BCCIP: variants seen among roughly 807,000 people sequenced by gnomAD.
The protein encoded by BCCIP is BRCA2 and CDKN1A interacting protein, also known as BRCA2 and CDKN1A-interacting protein.
BCCIP carries 23 observed loss-of-function variants against 32.8 expected under a neutral mutation model. That is an observed-to-expected ratio of 0.70 (90% CI 0.51 to 0.99). The LOEUF (loss-of-function observed/expected upper bound fraction) is 0.99. Ranked by LOEUF, BCCIP falls within the 50% of genes least tolerant of loss-of-function variation. The pLI, the probability that BCCIP is intolerant of heterozygous loss-of-function variation, is 0.00. For missense variants in BCCIP, 378 were observed against 379.8 expected (o/e 1.00, Z 0.04); for synonymous variants, 144 against 137.6 (o/e 1.05, Z -0.33).
At chr10:125,841,497 GTTTT>G (rs1255681461), downstream of BCCIP, 5 of 1,445,028 alleles carry the variant, frequency 3.5e-6, no homozygotes, top group Non-Finnish European at 4.5e-6. Context: ...AATCTAGTAT[GTTTT>G]CATACATCTG....
At chr10:125,849,663 C>A (rs184987573) in intron 7 of BCCIP, among the ~76,000 whole-genome samples, 117 of 152,324 alleles carry the variant, frequency 7.7e-4, no homozygotes, top group African/African-American at 2.4e-3. Context: ...TGCGGCAGAG[C>A]TATGGGGAGG....
intron 7 of BCCIP, chr10:125,852,671 G>T (rs374705004): frequency 6.4e-7 from 1 of 1,568,652 alleles, no homozygotes. Flanking sequence ...CATCATTAGC[G>T]TCAGATAAGT....
intron 7 of BCCIP, among the ~76,000 whole-genome samples, chr10:125,851,949 AAAAAG>A (rs1337075630): frequency 9.9e-5 from 15 of 151,696 alleles, no homozygotes; most frequent in Non-Finnish European, 1.8e-4. Flanking sequence ...AAAGAAAAGA[AAAAAG>A]GACAATTCAA....
At chr10:125,827,370 C>T (rs924621794) in intron 2 of BCCIP, among the ~76,000 whole-genome samples, 188 bp from the exon 3 acceptor site, 1 of 151,878 alleles carries the variant, frequency 6.6e-6, no homozygotes, top group Non-Finnish European at 1.5e-5. Context: ...CTGACTTCTT[C>T]TTTTCTGAAA....
At chr10:125,838,426 A>C (rs1185979741), downstream of BCCIP, 1 of 1,503,862 alleles carries the variant, frequency 6.6e-7, no homozygotes, top group South Asian at 1.4e-5. Flanking sequence ...ATTTTGTATT[A>C]ATATGGAGAT....
At chr10:125,843,767 C>T (rs1222366438), downstream of BCCIP, among the ~76,000 whole-genome samples, 1 of 152,212 alleles carries the variant, frequency 6.6e-6, no homozygotes, top group East Asian at 1.9e-4. Flanking sequence ...TGCTGGAGGA[C>T]AGCGGAGCCA....
At chr10:125,831,358 TC>T in intron 4 of BCCIP, 61 bp from the exon 5 acceptor site, 1 of 1,509,272 alleles carries the variant, frequency 6.6e-7, no homozygotes. Context: ...GCTTTTACTC[TC>T]AGGTTTTGTC....
chr10:125,823,590 A>G lies in BCCIP; in HGVS notation c.33A>G (p.Glu11=). 6.2e-7 allele frequency: 1 copy of G among 1,614,040 alleles called. No homozygotes were observed. Among genetic ancestry groups the G allele is most frequent in the Non-Finnish European group, 8.5e-7 (1 of 1,179,948 alleles). Residue 11 remains glutamate (E), a synonymous_variant, in exon 1 of 7, where the codon GAA becomes GAG. Transcript: ENST00000278100. ...CCAGGTCTAAGCGGCGTGCCGTGGA[A>G]AGTGGGGTTCCGCAGCCGCCGGATC... The part of the protein sequence containing the change: MASRSKRRAV[E]SGVPQPPDPP...
chr10:125,833,657 C>A (rs1310714692), intron 5 of BCCIP, 115 bp from the exon 6 acceptor site: 2 of 909,674 alleles, frequency 2.2e-6, no homozygotes, highest in East Asian at 4.9e-5. Flanking sequence ...AGATTGAATG[C>A]CTGCGTCACA....
chr10:125,847,115 A>T (rs1430068779), downstream of BCCIP, among the ~76,000 whole-genome samples: 4 of 152,176 alleles, frequency 2.6e-5, no homozygotes, highest in Non-Finnish European at 5.9e-5. Flanking sequence ...ACACATTTGC[A>T]TAATGCCAGC....
In BCCIP at chr10:125,826,732, G is replaced by A. The variant is rs1404206900; in HGVS notation, c.240+67G>A. On this transcript the variant is annotated intron_variant, in intron 2 of 6. Transcript: ENST00000278100. Reference sequence around the variant, plus strand: ...GAAAAATCAGGGGCCGGGTGCAGTGGTTCATGCCTATAATCTCAGCATTTT... The same window carrying A: ...GAAAAATCAGGGGCCGGGTGCAGTGATTCATGCCTATAATCTCAGCATTTT... The A allele has an allele frequency of 3.8e-6, 6 of 1,584,878 alleles. No homozygotes were observed. The Admixed American group carries it at 8.8e-5, about 23-fold the overall frequency.
Position 125,852,073 on chromosome 10 carries a change from C to A in BCCIP, c.851-1052C>A, listed in dbSNP as rs140257628. On this transcript the variant is annotated intron_variant, in intron 7 of 7. Coordinates refer to the BCCIP transcript ENST00000368759. ...GTGCTGCAGTGTCCAACAGCAGACACATTTCTCGTGTCAGAACAGTTATTT... is the reference window on the plus strand; with the variant it reads ...GTGCTGCAGTGTCCAACAGCAGACAAATTTCTCGTGTCAGAACAGTTATTT... Among the ~76,000 whole-genome samples, 3 of 152,320 alleles carry A rather than the reference C, an allele frequency of 2.0e-5. No individual in the cohort carries two copies. The East Asian group carries it at 5.8e-4, about 29-fold the overall frequency.
downstream of BCCIP, chr10:125,839,162 A>T (rs769322239): frequency 4.3e-6 from 7 of 1,614,238 alleles, no homozygotes; most frequent in Non-Finnish European, 5.9e-6. Context: ...TTGAGGAAGT[A>T]ATCACGACAC....
At chr10:125,825,468 C>A (rs547870101) in intron 1 of BCCIP, 1 of 152,186 alleles carries the variant, frequency 6.6e-6, no homozygotes, top group Non-Finnish European at 1.5e-5. Flanking sequence ...CACTCCCACC[C>A]GACCCCTTGT....
At chr10:125,829,341 G>A (rs1854473366) in intron 3 of BCCIP, among the ~76,000 whole-genome samples, 1 of 152,200 alleles carries the variant, frequency 6.6e-6, no homozygotes, top group Non-Finnish European at 1.5e-5. Flanking sequence ...CACTGTTGAT[G>A]TCTTTTTCCT....
At chr10:125,851,920 C>CA (rs56380138) in intron 7 of BCCIP, among the ~76,000 whole-genome samples, 4,208 of 86,592 alleles carry the variant, frequency 0.049, 110 homozygotes, top group African/African-American at 0.093. Flanking sequence ...GACCCTGTCT[C>CA]AAAAAAAAAA....
Position 125,823,546 on chromosome 10 carries a change from GT to G in BCCIP, c.-11del. Reference sequence around the variant, plus strand: ...CAAGGGGAAGCTGCGCAGGCGCAGTGTGAGCGGCAACATGGCGTCCAGGTCT... The same window carrying G: ...CAAGGGGAAGCTGCGCAGGCGCAGTGGAGCGGCAACATGGCGTCCAGGTCT... On this transcript the variant is annotated 5_prime_UTR_variant, in exon 1 of 7. Coordinates refer to ENST00000278100, the MANE Select transcript of BCCIP (RefSeq NM_078468.3). The G allele has an allele frequency of 6.2e-7, 1 of 1,613,074 alleles. No individual in the cohort carries two copies. The highest frequency in any genetic ancestry group is 1.1e-5 in the South Asian group (1 of 91,014).
rs1854517864 is a variant in BCCIP, at chr10:125,831,408, T to C, written c.412-12T>C. The C allele has an allele frequency of 1.9e-6, 3 of 1,608,366 alleles. No homozygotes were observed. The highest frequency in any genetic ancestry group is 2.5e-6 in the Non-Finnish European group (3 of 1,176,512). ...CTTGTAATAGGAAACAAGCTTTCTC[T>C]TTGCTTTCTAGGGTACCCAGTGTGT... is the stretch of plus-strand genomic sequence containing the variant. On this transcript the variant is annotated splice_polypyrimidine_tract_variant and intron_variant, in intron 4 of 6. Coordinates refer to ENST00000278100, the MANE Select transcript of BCCIP (RefSeq NM_078468.3).
downstream of BCCIP, chr10:125,840,896 G>A (rs758379658): frequency 6.2e-7 from 1 of 1,610,298 alleles, no homozygotes; most frequent in Admixed American, 1.7e-5. Flanking sequence ...TGTAAATGCT[G>A]ATGAGGGTAA....
Sources: allele counts gnomAD v4.1 joint callset (sites outside exome capture counted in the v4.1 genomes callset), GRCh38; gene constraint gnomAD v4.1.1; transcripts MANE v1.5; gene names NCBI Gene and HGNC (gene_info 2026-07-23, HGNC 2026-07-21).